ACACA: variants seen among roughly 807,000 people sequenced by gnomAD.
ACACA encodes the protein acetyl-CoA carboxylase 1.
In ACACA, 103 loss-of-function variants were observed where a neutral mutation model predicts 296.1. That is an observed-to-expected ratio of 0.35 (90% CI 0.30 to 0.41). The LOEUF (loss-of-function observed/expected upper bound fraction) is 0.41, where lower values mean the gene tolerates loss of function less well. Ranked by LOEUF, ACACA falls within the 10% of genes least tolerant of loss-of-function variation. The probability of loss-of-function intolerance (pLI) is 1.00; values close to 1 mark genes in which losing one functional copy is unlikely to be tolerated. For missense variants in ACACA, 1,554 were observed against 2,989.7 expected, an observed-to-expected ratio of 0.52 and a Z score of 11.20; for synonymous variants, 953 against 1,038.6, an observed-to-expected ratio of 0.92 and a Z score of 1.58.
chr17:37,155,673 A>G lies in ACACA; in HGVS notation c.5447+10T>C, dbSNP rs1004093386. 5 of 1,575,876 alleles carry G rather than the reference A, an allele frequency of 3.2e-6. No homozygotes were observed. Among genetic ancestry groups the G allele is most frequent in the African/African-American group, 2.7e-5 (2 of 74,162 alleles). ...TCATGACCAAATTATTCCAATACAT[A>G]TATACCTACCTGGATTCTCCTTCAT... is the stretch of plus-strand genomic sequence containing the variant. On this transcript the variant is annotated intron_variant, in intron 43 of 55. Coordinates refer to ENST00000616317, the MANE Select transcript of ACACA (RefSeq NM_198834.3).
At chr17:37,205,636 G>A in intron 33 of ACACA, 129 bp downstream of exon 33, 1 of 783,732 alleles carries the variant, frequency 1.3e-6, no homozygotes, top group East Asian at 2.6e-5. Context: ...CCTAAATGCA[G>A]AACTAGCCAT....
At chr17:37,242,122 A>G in intron 22 of ACACA, 69 bp from the exon 23 acceptor site, 1 of 1,155,466 alleles carries the variant, frequency 8.7e-7, no homozygotes, top group Non-Finnish European at 1.3e-6. Flanking sequence ...CAGCCTCTAT[A>G]GCACGACCAG....
chr17:37,390,719 G>A (rs1316542935), intron 1 of ACACA, among the ~76,000 whole-genome samples: 4 of 151,020 alleles, frequency 2.6e-5, no homozygotes, highest in Admixed American at 2.6e-4. Context: ...CTTGGGCTCA[G>A]GAATTGAAGT....
intron 40 of ACACA, 107 bp downstream of exon 40, chr17:37,181,094 T>C: frequency 3.4e-6 from 4 of 1,170,022 alleles, no homozygotes; most frequent in East Asian, 2.3e-5. Context: ...GTCAAGATAT[T>C]TCTTGCCCTT....
Position 37,241,958 on chromosome 17 carries a change from T to C in ACACA, c.3027A>G (p.Val1009=), listed in dbSNP as rs1482201134. The C allele has an allele frequency of 1.2e-6, 2 of 1,613,142 alleles. No homozygotes were observed. The highest frequency in any genetic ancestry group is 1.7e-6 in the Non-Finnish European group (2 of 1,179,234). Residue 1009 remains valine, a synonymous_variant, in exon 23 of 56, where the codon GTA becomes GTG. Coordinates refer to ENST00000616317, the MANE Select transcript of ACACA (RefSeq NM_198834.3). The stretch of plus-strand genomic sequence containing the variant: ...CTGGAGTTACAAGTTACTACCTCTG[T>C]ACCAGCTGAACAATGCTCTGAGTAT... ...FMNTQSIVQL[V]QRYRSGIRGH...
chr17:37,271,690 T>C (rs1270701521), intron 9 of ACACA, among the ~76,000 whole-genome samples: 1 of 146,632 alleles, frequency 6.8e-6, no homozygotes, highest in Non-Finnish European at 1.5e-5. Flanking sequence ...TGAAGTGGGG[T>C]TGGGCGTAGT....
Position 37,240,130 on chromosome 17 carries a change from A to G in ACACA, c.3121+346T>C, listed in dbSNP as rs539310561. 5.3e-5 allele frequency among the ~76,000 whole-genome samples: 8 copies of G among 152,334 alleles called. No individual in the cohort carries two copies. The South Asian group carries it at 1.7e-3, about 32-fold the overall frequency. On this transcript the variant is annotated intron_variant, in intron 24 of 55. Coordinates refer to ENST00000616317, the MANE Select transcript of ACACA (RefSeq NM_198834.3). ...CTGCCAAGAATCAAGCTCTTCAGAT[A>G]TGGGTTTCTCAATTTCAGCCTGTGA...
rs1276670067 is a variant in ACACA, at chr17:37,088,935, C to A, written c.7028+3G>T. On this transcript the variant is annotated splice_donor_region_variant and intron_variant, in intron 55 of 55. Transcript: ENST00000616317. ...CTAGTGGAGTTCCCCACGTTGGTCT[C>A]ACCTGCGGATTTGCTTGAGGACGTA... 6.2e-7 allele frequency: 1 copy of A among 1,614,212 alleles called. No individual in the cohort carries two copies. The highest frequency in any genetic ancestry group is 8.5e-7 in the Non-Finnish European group (1 of 1,180,032).
intron 20 of ACACA, 130 bp from the exon 21 acceptor site, chr17:37,244,864 G>GGAAA: frequency 6.4e-6 from 9 of 1,408,676 alleles, no homozygotes; most frequent in African/African-American, 1.4e-5. Flanking sequence ...AGTCAATAGA[G>GGAAA]GAAACATCAT....
At chr17:37,252,448 A>G (rs1179338472) in intron 15 of ACACA, among the ~76,000 whole-genome samples, 5 of 152,244 alleles carry the variant, frequency 3.3e-5, no homozygotes, top group Admixed American at 6.5e-5. Flanking sequence ...AACGGTGTAT[A>G]GCCAAAATTT....
In ACACA at chr17:37,339,824, T is replaced by C; in HGVS notation, c.65A>G (p.Gln22Arg). The change falls in exon 2 of 56, where the codon CAG (glutamine) becomes CGG (arginine). Residue 22 changes from glutamine to arginine, a missense_variant. Physicochemically the swap from Gln to Arg is conservative, Grantham distance 43. This residue lies in a region of ACACA where 140 missense variants were observed against 147.7 expected (regional missense o/e 0.95). Coordinates refer to ENST00000616317, the MANE Select transcript of ACACA (RefSeq NM_198834.3). ...CTGACCTCTTATAATTCTTACTGTC[T>C]GAGTAGATATCCACTTCCAAAAAGA... ...ARSFWKWIST[Q>R]TVRIIRAVRA... 1 of 1,389,958 alleles carries C rather than the reference T, an allele frequency of 7.2e-7. No homozygotes were observed. Among genetic ancestry groups the C allele is most frequent in the Non-Finnish European group, 1.0e-6 (1 of 984,582 alleles). 86.1% of individuals were successfully genotyped at this position (1,389,958 alleles called of 1,614,324 possible). A position where few individuals can be genotyped will look rare whatever the true frequency, so the allele number is the denominator to read the frequency against.
intron 5 of ACACA, 86 bp from the exon 6 acceptor site, chr17:37,278,091 G>A: frequency 2.0e-6 from 2 of 995,284 alleles, no homozygotes; most frequent in Non-Finnish European, 1.6e-6. Flanking sequence ...AAAGGTCAGG[G>A]ACTATCATAA....
chr17:37,323,287 C>T (rs114480739), intron 3 of ACACA, among the ~76,000 whole-genome samples: 1,735 of 152,388 alleles, frequency 0.011, 37 homozygotes, highest in African/African-American at 0.038. Context: ...AGGGAACTCT[C>T]CTGTTTCACT....
chr17:37,315,027 C>T (rs56094706), intron 3 of ACACA, among the ~76,000 whole-genome samples: 51,164 of 141,552 alleles, frequency 0.36, 12,001 homozygotes, highest in African/African-American at 0.67. Context: ...GGCACAATCT[C>T]GGCTCACCAC....
chr17:37,328,008 T>C, intron 3 of ACACA, among the ~76,000 whole-genome samples: 1 of 152,178 alleles, frequency 6.6e-6, no homozygotes, highest in Non-Finnish European at 1.5e-5. Flanking sequence ...AATGTTTACA[T>C]AAAGACCTAA....
rs567528823 is a variant in ACACA at position 37,297,645 on chromosome 17, C to T, written c.339-12675G>A. 6.6e-5 allele frequency among the ~76,000 whole-genome samples: 10 copies of T among 151,512 alleles called. 1 individual carries two copies. Among genetic ancestry groups the T allele is most frequent in the African/African-American group, 2.2e-4 (9 of 41,334 alleles). On this transcript the variant is annotated intron_variant, in intron 3 of 55. Coordinates refer to ENST00000616317, the MANE Select transcript of ACACA (RefSeq NM_198834.3). ...GCAAATTCTGCCTCCTGGGTTTGCT[C>T]GATCAAGCAATTCTCCTGCCTTGGC...
At chr17:37,210,417 A>T (rs1263977088) in intron 30 of ACACA, 50 bp downstream of exon 30, 4 of 1,557,614 alleles carry the variant, frequency 2.6e-6, no homozygotes, top group African/African-American at 1.4e-5. Context: ...TCACTATTCT[A>T]AGTTACATAA....
intron 24 of ACACA, among the ~76,000 whole-genome samples, chr17:37,237,858 C>T (rs1232058055): frequency 1.3e-5 from 2 of 152,188 alleles, no homozygotes; most frequent in African/African-American, 4.8e-5. Flanking sequence ...CCTCCCCAGG[C>T]TCAGGCAATC....
chr17:37,263,751 A>G lies in ACACA; in HGVS notation c.1263T>C (p.His421=). 6.2e-7 allele frequency: 1 copy of G among 1,614,082 alleles called. No individual in the cohort carries two copies. The highest frequency in any genetic ancestry group is 8.5e-7 in the Non-Finnish European group (1 of 1,180,000). Residue 421 remains histidine (H), a synonymous_variant, in exon 11 of 56, where the codon CAT becomes CAC. Transcript: ENST00000616317. ...CAGGTGCTTCTTCAATAATCTTCTG[A>G]TGCCTGCGTTGTACAGAGCAATCAC... The part of the protein sequence containing the change: ...FGRDCSVQRR[H]QKIIEEAPAT...
Sources: gnomAD v4.1 joint callset for allele counts (sites outside exome capture counted in the v4.1 genomes callset) on GRCh38, gnomAD v4.1.1 for gene constraint, gnomAD v4.1.1 regional missense constraint, MANE v1.5 for transcripts, NCBI Gene and HGNC (gene_info 2026-07-23, HGNC 2026-07-21) for gene names.